The following PKNOX2 variants were observed in gnomAD, a reference collection of about 807,000 sequenced individuals.
The protein encoded by PKNOX2 is PBX/knotted 1 homeobox 2.
Under a neutral mutation model 53.1 loss-of-function variants are expected in PKNOX2, and 14 were observed. The observed-to-expected ratio is 0.26, with a 90% CI of 0.17 to 0.41. The LOEUF is 0.41. PKNOX2 is among the 10% of genes least tolerant of loss of function. The pLI, the probability that PKNOX2 is intolerant of heterozygous loss-of-function variation, is 1.00. For synonymous variants in PKNOX2, 257 were observed against 242.8 expected, an observed-to-expected ratio of 1.06 and a Z score of -0.54; for missense variants, 496 against 602.8, an observed-to-expected ratio of 0.82 and a Z score of 1.85.
chr11:125,255,163 G>A (rs559665714), intron 2 of PKNOX2, among the ~76,000 whole-genome samples: 1 of 152,324 alleles, frequency 6.6e-6, no homozygotes, highest in African/African-American at 2.4e-5. Context: ...GCTGGTTAGT[G>A]CGCTTAGCAG....
intron 11 of PKNOX2, among the ~76,000 whole-genome samples, chr11:125,429,398 A>G (rs535328392): frequency 1.3e-4 from 20 of 152,340 alleles, no homozygotes; most frequent in African/African-American, 4.8e-4. Context: ...AGAGACAGAC[A>G]GGATTGCCCG....
intron 2 of PKNOX2, among the ~76,000 whole-genome samples, chr11:125,290,626 G>A (rs1254991577): frequency 6.6e-6 from 1 of 152,192 alleles, no homozygotes; most frequent in South Asian, 2.1e-4. Context: ...GTAATGAGGA[G>A]CATGCTGTTC....
intron 2 of PKNOX2, chr11:125,287,753 A>G (rs569405662): frequency 2.0e-5 from 3 of 152,330 alleles, no homozygotes; most frequent in South Asian, 4.1e-4. Flanking sequence ...TGAGCTGCAG[A>G]ATTTATGGAA....
intron 1 of PKNOX2, among the ~76,000 whole-genome samples, chr11:125,193,823 T>G (rs771004070): frequency 6.6e-6 from 1 of 152,110 alleles, no homozygotes; most frequent in Non-Finnish European, 1.5e-5. Flanking sequence ...GACAAGGATT[T>G]AAGGATGGAA....
chr11:125,387,831 T>C (rs554234456), intron 6 of PKNOX2, among the ~76,000 whole-genome samples: 2 of 152,316 alleles, frequency 1.3e-5, no homozygotes, highest in East Asian at 3.9e-4. Context: ...GCTGATTATG[T>C]AAATGGAGAT....
chr11:125,418,145 A>G (rs1006863797), intron 10 of PKNOX2, among the ~76,000 whole-genome samples: 3 of 151,952 alleles, frequency 2.0e-5, no homozygotes, highest in African/African-American at 7.3e-5. Flanking sequence ...CCCATTAGCC[A>G]TCACTCCCCA....
rs1953555190 is a variant in PKNOX2, at chr11:125,385,414, G to C, written c.228-137G>C. ...TGCTGCCATCTAGATTGACCATAGG[G>C]ACTGGGGATGTTATCAAGGAGTGGG... On this transcript the variant is annotated intron_variant, in intron 5 of 12. Transcript: ENST00000298282. 2.2e-5 allele frequency: 21 copies of C among 959,454 alleles called. No homozygotes were observed. The South Asian group carries it at 3.6e-4, about 17-fold the overall frequency. 59.4% of individuals were successfully genotyped at this position (959,454 alleles called of 1,614,324 possible).
intron 7 of PKNOX2, among the ~76,000 whole-genome samples, chr11:125,400,764 C>T (rs1480447448): frequency 1.3e-5 from 2 of 152,180 alleles, no homozygotes; most frequent in Non-Finnish European, 2.9e-5. Flanking sequence ...CTTGCTGAGC[C>T]ATCGATATGG....
At chr11:125,407,730 T>C (rs1017712104) in intron 7 of PKNOX2, among the ~76,000 whole-genome samples, 5 of 150,022 alleles carry the variant, frequency 3.3e-5, no homozygotes, top group Admixed American at 2.0e-4. Flanking sequence ...CAAGACTCTC[T>C]ACCCTGTCTC....
intron 3 of PKNOX2, among the ~76,000 whole-genome samples, chr11:125,336,562 A>T (rs915010727): frequency 2.0e-5 from 3 of 148,582 alleles, no homozygotes; most frequent in Admixed American, 1.4e-4. Context: ...AAATCTTAAT[A>T]ATGTAACATA....
At chr11:125,393,627 C>G (rs1954214669) in intron 6 of PKNOX2, among the ~76,000 whole-genome samples, 1 of 152,262 alleles carries the variant, frequency 6.6e-6, no homozygotes, top group African/African-American at 2.4e-5. Context: ...AGGGACCTGA[C>G]AGTCCAGCCC....
intron 3 of PKNOX2, among the ~76,000 whole-genome samples, chr11:125,343,776 A>C (rs1038736518): frequency 4.0e-5 from 6 of 151,750 alleles, no homozygotes; most frequent in Admixed American, 2.0e-4. Flanking sequence ...CGGGAGCAAG[A>C]CCACGAAGAG....
intron 3 of PKNOX2, among the ~76,000 whole-genome samples, chr11:125,341,136 C>A (rs1950663948): frequency 1.3e-5 from 2 of 149,922 alleles, no homozygotes; most frequent in South Asian, 4.2e-4. Context: ...CCGAGGCAGG[C>A]AGATCACATC....
intron 1 of PKNOX2, among the ~76,000 whole-genome samples, chr11:125,211,007 G>T (rs925797410): frequency 1.3e-5 from 2 of 152,144 alleles, no homozygotes; most frequent in Non-Finnish European, 2.9e-5. Flanking sequence ...AACGAAGGTT[G>T]TGTATGGAAT....
At chr11:125,186,900 G>A (rs1038954019) in intron 1 of PKNOX2, among the ~76,000 whole-genome samples, 3 of 152,120 alleles carry the variant, frequency 2.0e-5, no homozygotes, top group Non-Finnish European at 4.4e-5. Context: ...GGGGTGTGAG[G>A]TAGGGCTCCA....
intron 2 of PKNOX2, among the ~76,000 whole-genome samples, chr11:125,293,761 C>A (rs536604871): frequency 3.3e-5 from 5 of 150,204 alleles, no homozygotes; most frequent in Admixed American, 2.0e-4. Flanking sequence ...TCACACACAC[C>A]CACACTCACA....
At chr11:125,409,144 T>C (rs935082363) in intron 7 of PKNOX2, among the ~76,000 whole-genome samples, 2 of 152,144 alleles carry the variant, frequency 1.3e-5, no homozygotes, top group African/African-American at 4.8e-5. Flanking sequence ...GCCTTTTTTC[T>C]TCTCCGAACC....
chr11:125,342,500 G>A (rs75958766), intron 3 of PKNOX2, among the ~76,000 whole-genome samples: 14,146 of 152,146 alleles, frequency 0.093, 2,138 homozygotes, highest in African/African-American at 0.32. Context: ...AAGGGTGGGA[G>A]CCCGAGAGGG....
At chr11:125,420,397 G>C (rs1956111796) in intron 10 of PKNOX2, among the ~76,000 whole-genome samples, 1 of 151,534 alleles carries the variant, frequency 6.6e-6, no homozygotes, top group Admixed American at 6.6e-5. Context: ...GTGGTGGCAG[G>C]CACCTATAGT....
Sources: allele counts gnomAD v4.1 joint callset (sites outside exome capture counted in the v4.1 genomes callset), GRCh38; gene constraint gnomAD v4.1.1; transcripts MANE v1.5; gene names NCBI Gene and HGNC (gene_info 2026-07-23, HGNC 2026-07-21).